TRRAP: variants seen among roughly 807,000 people sequenced by gnomAD.
The protein encoded by TRRAP is transformation/transcription domain-associated protein.
Under a neutral mutation model 438.8 loss-of-function variants are expected in TRRAP, and 41 were observed. The observed-to-expected ratio is 0.09, with a 90% CI of 0.07 to 0.12. The LOEUF (loss-of-function observed/expected upper bound fraction) is 0.12. Among genes scored for constraint, TRRAP ranks in the 10% least tolerant of loss-of-function variants. The pLI, the probability that TRRAP is intolerant of heterozygous loss-of-function variation, is 1.00. For synonymous variants in TRRAP, 1,994 were observed against 1,962.9 expected (o/e 1.02, Z -0.42); for missense variants, 3,122 against 5,055.1 (o/e 0.62, Z 11.60).
intron 3 of TRRAP, among the ~76,000 whole-genome samples, chr7:98,886,118 C>T (rs781890218): frequency 3.9e-5 from 6 of 152,160 alleles, no homozygotes; most frequent in South Asian, 2.1e-4. Context: ...AACTCTGTCT[C>T]TACTCCAAAT....
At chr7:98,911,019 A>G in intron 16 of TRRAP, 58 bp from the exon 17 acceptor site, 1 of 1,485,894 alleles carries the variant, frequency 6.7e-7, no homozygotes, top group Non-Finnish European at 9.2e-7. Flanking sequence ...ACATAATGGA[A>G]CATATTCAGA....
At chr7:98,969,990 A>AGC (rs1481298292) in intron 51 of TRRAP, 122 bp from the exon 52 acceptor site, 4 of 1,178,100 alleles carry the variant, frequency 3.4e-6, no homozygotes, top group Non-Finnish European at 4.8e-6. Context: ...AAGGGTGCTG[A>AGC]GCTCATACTT....
At chr7:98,934,455 A>G (rs1407419657) in intron 27 of TRRAP, among the ~76,000 whole-genome samples, 3 of 152,354 alleles carry the variant, frequency 2.0e-5, no homozygotes, top group South Asian at 2.1e-4. Context: ...TAGGAAATGC[A>G]TAACTTCCCT....
intron 33 of TRRAP, among the ~76,000 whole-genome samples, chr7:98,946,176 G>A (rs955892059): frequency 4.6e-5 from 7 of 152,192 alleles, no homozygotes; most frequent in Admixed American, 2.0e-4. Context: ...TCTTAAGTTC[G>A]TGTGAGAATT....
intron 62 of TRRAP, among the ~76,000 whole-genome samples, chr7:98,985,774 T>C (rs1480080882): frequency 6.6e-6 from 1 of 152,266 alleles, no homozygotes; most frequent in East Asian, 1.9e-4. Context: ...AAAAAGGTTT[T>C]ATCTTTTTGT....
intron 67 of TRRAP, among the ~76,000 whole-genome samples, chr7:99,001,396 C>G (rs189024884): frequency 6.6e-6 from 1 of 152,114 alleles, no homozygotes; most frequent in Admixed American, 6.5e-5. Context: ...CGGAAGAGTC[C>G]GAGATGAAAG....
intron 44 of TRRAP, among the ~76,000 whole-genome samples, chr7:98,958,482 T>G (rs1319438809): frequency 1.3e-5 from 2 of 152,172 alleles, no homozygotes; most frequent in Admixed American, 1.3e-4. Context: ...GTATTTTTGG[T>G]AGAGATGGGG....
intron 40 of TRRAP, among the ~76,000 whole-genome samples, chr7:98,954,235 G>A (rs1443952825): frequency 2.0e-5 from 3 of 152,222 alleles, no homozygotes; most frequent in African/African-American, 4.8e-5. Context: ...GGGCTCTGAG[G>A]TTGGGCACCC....
intron 11 of TRRAP, 143 bp downstream of exon 11, chr7:98,900,863 C>T: frequency 1.5e-6 from 1 of 666,262 alleles, no homozygotes; most frequent in South Asian, 2.1e-5. Flanking sequence ...TTTCCATCAA[C>T]CTCCAAAATT....
At position 99,012,040 on chromosome 7, in the gene TRRAP, C is replaced by CCCTA; in HGVS notation, c.11338-31_11338-30insCCTA. 1 of 1,604,138 alleles carries CCCTA rather than the reference C, an allele frequency of 6.2e-7. No homozygotes were observed. Among genetic ancestry groups the CCCTA allele is most frequent in the Non-Finnish European group, 8.5e-7 (1 of 1,173,152 alleles). On this transcript the variant is annotated intron_variant, in intron 72 of 72. Transcript: ENST00000456197. This position sits in a 1 kb window ranked among gnomAD's most constrained non-coding sequence, Gnocchi z 5.9. ...CCCCTGTGGGCTGTTCTTGGTTAAA[C>CCCTA]ACAAGTCGTCTCGTTCTCTCCCTCA... is the stretch of plus-strand genomic sequence containing the variant.
At chr7:98,917,844 G>A (rs1789578627) in intron 20 of TRRAP, among the ~76,000 whole-genome samples, 165 bp downstream of exon 20, 1 of 152,030 alleles carries the variant, frequency 6.6e-6, no homozygotes, top group South Asian at 2.1e-4. Context: ...AAAGAAGGCC[G>A]GGCACGGTGT....
In TRRAP at chr7:98,967,653, C is replaced by A. The variant is rs1282489566; in HGVS notation, c.7467C>A (p.Asn2489Lys). Residue 2489 changes from asparagine (N) to lysine (K), a missense_variant, in exon 51 of 73, where the codon AAC becomes AAA. Physicochemically the swap from Asn to Lys is moderately conservative, Grantham distance 94. This residue lies in a region of TRRAP where 992 missense variants were observed against 1,281.2 expected (regional missense o/e 0.77). Transcript: ENST00000456197. ...TGCTCTATGTGACCTGTTCGCAGAA[C>A]TGGGAAGCCATGGGGAACCACTTCT... is the stretch of plus-strand genomic sequence containing the variant. ...ERLLYVTCSQ[N>K]WEAMGNHFWI... is the part of the protein sequence containing the mutation. 6.2e-7 allele frequency: 1 copy of A among 1,614,008 alleles called. No homozygotes were observed.
At chr7:98,960,103 C>T (rs1215826476) in intron 45 of TRRAP, among the ~76,000 whole-genome samples, 2 of 152,108 alleles carry the variant, frequency 1.3e-5, no homozygotes, top group Non-Finnish European at 2.9e-5. Flanking sequence ...TTGGGATAAG[C>T]ATTTTTAATT....
intron 17 of TRRAP, among the ~76,000 whole-genome samples, chr7:98,911,593 C>G (rs1789278269): frequency 6.6e-6 from 1 of 151,870 alleles, no homozygotes; most frequent in South Asian, 2.1e-4. Flanking sequence ...ATGGTGAAAC[C>G]CATCTCTACA....
chr7:98,984,849 C>A, intron 61 of TRRAP, 95 bp from the exon 62 acceptor site: 1 of 723,558 alleles, frequency 1.4e-6, no homozygotes, highest in Non-Finnish European at 2.3e-6. Context: ...TGGTCAATGA[C>A]TCATAGGACT....
chr7:98,961,199 C>T, intron 45 of TRRAP, 62 bp from the exon 46 acceptor site: 1 of 1,559,224 alleles, frequency 6.4e-7, no homozygotes, highest in Non-Finnish European at 8.8e-7. Context: ...ACTCTTGTTT[C>T]TAGAATTTGT....
Position 98,992,560 on chromosome 7 carries a change from C to CGTGTGT in TRRAP, c.9847+356_9847+361dup, listed in dbSNP as rs72517544. Among the ~76,000 whole-genome samples the CGTGTGT allele has an allele frequency of 6.5e-3, 969 of 149,210 alleles. 11 individuals carry two copies. Among genetic ancestry groups the CGTGTGT allele is most frequent in the African/African-American group, 0.022 (880 of 40,510 alleles). On this transcript the variant is annotated intron_variant, in intron 65 of 72. Coordinates refer to ENST00000456197, the MANE Select transcript of TRRAP (RefSeq NM_001375524.1). ...CCAATACACAGCAGATGCCAGCTGC[C>CGTGTGT]GTGTGTGTGTGTGTGTGTGTGTGTG...
At chr7:98,933,576 G>A (rs1181447159) in intron 27 of TRRAP, among the ~76,000 whole-genome samples, 174 bp downstream of exon 27, 1 of 152,180 alleles carries the variant, frequency 6.6e-6, no homozygotes, top group African/African-American at 2.4e-5. Context: ...GTCTGGGCTC[G>A]GGCGGAAGGG....
chr7:98,991,827 T>C (rs1400272766), intron 64 of TRRAP, among the ~76,000 whole-genome samples: 1 of 152,196 alleles, frequency 6.6e-6, no homozygotes, highest in Non-Finnish European at 1.5e-5. Context: ...TGGGGACACA[T>C]GTATTTTGCC....
Sources: allele counts gnomAD v4.1 joint callset (sites outside exome capture counted in the v4.1 genomes callset), GRCh38; gene constraint gnomAD v4.1.1; regional missense constraint gnomAD v4.1.1; non-coding constraint Gnocchi (gnomAD v3.1); transcripts MANE v1.5; gene names NCBI Gene and HGNC (gene_info 2026-07-23, HGNC 2026-07-21).